Variants in DAB1 observed in about 807,000 individuals in gnomAD.
The protein encoded by DAB1 is disabled homolog 1.
DAB1 carries 15 observed loss-of-function variants against 64.6 expected under a neutral mutation model. The ratio of observed to expected loss-of-function variants is 0.23; its 90% CI spans 0.16 to 0.36. DAB1 has a LOEUF of 0.36. Among genes scored for constraint, DAB1 ranks in the 10% least tolerant of loss-of-function variants. The pLI is 1.00. For missense variants in DAB1, 596 were observed against 706.7 expected, an observed-to-expected ratio of 0.84 and a Z score of 1.78; for synonymous variants, 235 against 251.9, an observed-to-expected ratio of 0.93 and a Z score of 0.64.
chr1:57,830,429 C>G (rs1652536105), intron 1 of DAB1, among the ~76,000 whole-genome samples: 1 of 152,092 alleles, frequency 6.6e-6, no homozygotes, highest in South Asian at 2.1e-4. Context: ...TAAAACTTGT[C>G]CAAGGCAACA....
intron 1 of DAB1, among the ~76,000 whole-genome samples, chr1:57,380,334 T>C (rs1474856964): frequency 6.6e-6 from 1 of 152,134 alleles, no homozygotes; most frequent in Non-Finnish European, 1.5e-5. Context: ...CTAGAACAGG[T>C]TCTTATAAAT....
At chr1:58,322,420 A>G (rs1386142717) in intron 4 of DAB1, among the ~76,000 whole-genome samples, 9 of 152,180 alleles carry the variant, frequency 5.9e-5, no homozygotes, top group Non-Finnish European at 8.8e-5. Flanking sequence ...CCATCAAAAA[A>G]TGGGCAAAGG....
chr1:58,302,474 T>C (rs1662195023), intron 4 of DAB1, among the ~76,000 whole-genome samples: 1 of 152,162 alleles, frequency 6.6e-6, no homozygotes, highest in South Asian at 2.1e-4. Context: ...GCAATTTTTC[T>C]TTCCATGGGT....
At chr1:57,298,640 G>GA (rs932274853) in intron 1 of DAB1, among the ~76,000 whole-genome samples, 77 of 147,836 alleles carry the variant, frequency 5.2e-4, no homozygotes, top group East Asian at 1.6e-3. Flanking sequence ...CCCACGTTAT[G>GA]AAAAAAAAAC....
rs530600111 is a variant in DAB1, at chr1:57,064,566, T to C, written c.664-1623A>G. ...ATTTGCCCTAGAACACCTGTGACCT[T>C]GAGGCCCTTGGACAGAGTAGTTTGT... On this transcript the variant is annotated intron_variant, in intron 8 of 14. Coordinates refer to ENST00000371236, the MANE Select transcript of DAB1 (RefSeq NM_001365792.1). Among the ~76,000 whole-genome samples, 4 of 152,296 alleles carry C rather than the reference T, an allele frequency of 2.6e-5. No individual in the cohort carries two copies. The South Asian group carries it at 6.2e-4, about 24-fold the overall frequency.
chr1:56,997,314 T>C lies in DAB1; in HGVS notation c.*830A>G. 1 of 152,230 alleles carries C rather than the reference T, an allele frequency of 6.6e-6. No homozygotes were observed. The highest frequency in any genetic ancestry group is 6.5e-5 in the Admixed American group (1 of 15,288). The allele number at this position is 152,230 out of a possible 1,614,324, so 9.4% of individuals were successfully genotyped here. A position where few individuals can be genotyped will look rare whatever the true frequency, so the allele number is the denominator to read the frequency against. The stretch of plus-strand genomic sequence containing the variant: ...TCTTTCTCATCAATGGGATCTGATG[T>C]CTTTTCCTACTCACAGAATGAAGGT... On this transcript the variant is annotated 3_prime_UTR_variant, in exon 15 of 15. Coordinates refer to ENST00000371236, the MANE Select transcript of DAB1 (RefSeq NM_001365792.1).
intron 4 of DAB1, among the ~76,000 whole-genome samples, chr1:58,202,996 G>A (rs11207174): frequency 0.73 from 111,738 of 152,124 alleles, 42,605 homozygotes; most frequent in Non-Finnish European, 0.85. Flanking sequence ...ATCAAATGGA[G>A]AAATACTTTT....
At chr1:57,876,556 G>A (rs925445894) in intron 1 of DAB1, 5 of 152,172 alleles carry the variant, frequency 3.3e-5, no homozygotes, top group African/African-American at 9.7e-5. Context: ...AAGTCACAGC[G>A]TCTCGGGCTG....
chr1:57,439,489 C>T (rs911394318), intron 7 of DAB1, among the ~76,000 whole-genome samples: 5 of 133,564 alleles, frequency 3.7e-5, no homozygotes, highest in African/African-American at 8.8e-5. Flanking sequence ...AGTGCAGTGG[C>T]GTGATCTAGG....
intron 7 of DAB1, among the ~76,000 whole-genome samples, chr1:57,577,556 T>G (rs1373993891): frequency 6.6e-6 from 1 of 152,194 alleles, no homozygotes; most frequent in African/African-American, 2.4e-5. Context: ...GTATTGTTAC[T>G]CCCATAAAGA....
chr1:57,927,457 G>A (rs1644895035), intron 5 of DAB1, among the ~76,000 whole-genome samples: 1 of 152,100 alleles, frequency 6.6e-6, no homozygotes, highest in African/African-American at 2.4e-5. Flanking sequence ...GTTGCAGTGA[G>A]CCATGATCGC....
chr1:57,155,281 CT>C (rs890821005), intron 2 of DAB1, among the ~76,000 whole-genome samples: 1 of 152,032 alleles, frequency 6.6e-6, no homozygotes, highest in South Asian at 2.1e-4. Context: ...ATTAGAGAGA[CT>C]TTTTTTTCCC....
intron 7 of DAB1, among the ~76,000 whole-genome samples, chr1:57,608,657 C>A (rs2101598365): frequency 6.6e-6 from 1 of 152,282 alleles, no homozygotes; most frequent in Admixed American, 6.5e-5. Context: ...ATTCAAACAA[C>A]TTTTCAGGTG....
chr1:57,045,140 C>A (rs897938255), intron 9 of DAB1, among the ~76,000 whole-genome samples: 32 of 152,246 alleles, frequency 2.1e-4, no homozygotes, highest in African/African-American at 7.0e-4. Context: ...GTGAGGAGAA[C>A]AAAAGGTATA....
intron 1 of DAB1, among the ~76,000 whole-genome samples, chr1:57,323,490 A>T (rs149036690): frequency 1.1e-4 from 16 of 152,300 alleles, no homozygotes; most frequent in African/African-American, 3.8e-4. Context: ...TTCCCCATAG[A>T]TTCCATCACT....
chr1:57,298,774 C>T (rs1023510679), intron 1 of DAB1, among the ~76,000 whole-genome samples: 1 of 152,038 alleles, frequency 6.6e-6, no homozygotes, highest in African/African-American at 2.4e-5. Context: ...AGGGCAGAAG[C>T]AAGAATAAGA....
chr1:57,392,938 A>G (rs1682506610), intron 1 of DAB1, among the ~76,000 whole-genome samples: 1 of 152,206 alleles, frequency 6.6e-6, no homozygotes. Flanking sequence ...ACAGTATCAT[A>G]TTGGGAGGAA....
intron 1 of DAB1, chr1:58,527,397 A>G (rs1646369288): frequency 2.5e-6 from 2 of 814,440 alleles, no homozygotes; most frequent in Admixed American, 1.8e-5. Flanking sequence ...AAGGAGTAAC[A>G]CAGAGAGATT....
chr1:58,218,196 GC>G (rs1658957885), intron 4 of DAB1, among the ~76,000 whole-genome samples: 1 of 152,100 alleles, frequency 6.6e-6, no homozygotes, highest in African/African-American at 2.4e-5. Flanking sequence ...GATTTGGGCA[GC>G]CTATGAAGAG....
Sources: gnomAD v4.1 joint callset for allele counts (sites outside exome capture counted in the v4.1 genomes callset) on GRCh38, gnomAD v4.1.1 for gene constraint, MANE v1.5 for transcripts, NCBI Gene and HGNC (gene_info 2026-07-23, HGNC 2026-07-21) for gene names.